REEP6: variants seen among roughly 807,000 people sequenced by gnomAD.
The protein encoded by REEP6 is receptor expression-enhancing protein 6.
REEP6 carries 19 observed loss-of-function variants against 22.4 expected under a neutral mutation model. That is an observed-to-expected ratio of 0.85 (90% CI 0.59 to 1.25). The LOEUF (loss-of-function observed/expected upper bound fraction) is 1.25, where lower values mean the gene tolerates loss of function less well. REEP6 is among the 50% of genes most tolerant of loss of function. The pLI is 0.00. For missense variants in REEP6, 273 were observed against 251.9 expected, an observed-to-expected ratio of 1.08 and a Z score of -0.57; for synonymous variants, 121 against 113.6, an observed-to-expected ratio of 1.06 and a Z score of -0.41.
intron 1 of REEP6, among the ~76,000 whole-genome samples, chr19:1,492,019 G>T (rs946737025): frequency 6.6e-6 from 1 of 152,214 alleles, no homozygotes; most frequent in African/African-American, 2.4e-5. Context: ...CAGTTCTTCC[G>T]TGACTTTCAC....
chr19:1,492,019 G>C (rs946737025), intron 1 of REEP6, among the ~76,000 whole-genome samples: 1 of 152,214 alleles, frequency 6.6e-6, no homozygotes, highest in South Asian at 2.1e-4. Context: ...CAGTTCTTCC[G>C]TGACTTTCAC....
At chr19:1,493,246 G>C (rs762123432) in intron 1 of REEP6, among the ~76,000 whole-genome samples, 1 of 152,120 alleles carries the variant, frequency 6.6e-6, no homozygotes, top group African/African-American at 2.4e-5. Flanking sequence ...AGCCAGGCCC[G>C]GGGAGAGATG....
chr19:1,497,144 G>GGGCC lies in REEP6; in HGVS notation c.518-30_518-29insGGCC. Reference sequence around the variant, plus strand: ...CCGGGGAGCCCAGGCCTGCCTCACGGCCCTCCCCCACCCGCCCCTCTCTCT... The same window carrying GGGCC: ...CCGGGGAGCCCAGGCCTGCCTCACGGGGCCCCCTCCCCCACCCGCCCCTCTCTCT... On this transcript the variant is annotated intron_variant, in intron 4 of 4. Coordinates refer to ENST00000233596, the MANE Select transcript of REEP6 (RefSeq NM_138393.4). This position sits in a 1 kb window ranked among gnomAD's most constrained non-coding sequence, Gnocchi z 6.5. The GGGCC allele has an allele frequency of 7.5e-6, 10 of 1,328,110 alleles. No individual in the cohort carries two copies. Among genetic ancestry groups the GGGCC allele is most frequent in the Non-Finnish European group, 1.0e-5 (10 of 992,322 alleles). The allele number at this position is 1,328,110 out of a possible 1,614,324, so 82.3% of individuals were successfully genotyped here.
chr19:1,495,948 C>T, intron 3 of REEP6: 1 of 538,674 alleles, frequency 1.9e-6, no homozygotes, highest in South Asian at 2.3e-5. Flanking sequence ...GGAGGGCTCA[C>T]TTAAAGGGTG....
chr19:1,496,775 G>A, intron 4 of REEP6: 2 of 609,512 alleles, frequency 3.3e-6, no homozygotes, highest in Non-Finnish European at 6.1e-6. Flanking sequence ...GTATTATTGT[G>A]TGTGCATGTT....
At position 1,491,259 on chromosome 19, in the gene REEP6, G is replaced by T. The variant is rs979774423; in HGVS notation, c.-11G>T. On this transcript the variant is annotated 5_prime_UTR_variant, in exon 1 of 5. Transcript: ENST00000233596. The surrounding 1 kb of genome is among the most constrained non-coding windows in gnomAD (Gnocchi z 5.4). ...CGAGCTCGAGCAGCCAACCCCGGGCGCGTCGGGGCCATGGACGGCCTGAGG... is the reference window on the plus strand; with the variant it reads ...CGAGCTCGAGCAGCCAACCCCGGGCTCGTCGGGGCCATGGACGGCCTGAGG... 9.6e-6 allele frequency: 14 copies of T among 1,459,710 alleles called. No individual in the cohort carries two copies. The highest frequency in any genetic ancestry group is 3.0e-5 in the African/African-American group (2 of 67,504). The allele number at this position is 1,459,710 out of a possible 1,614,324, so 90.4% of individuals were successfully genotyped here. A position where few individuals can be genotyped will look rare whatever the true frequency, so the allele number is the denominator to read the frequency against.
Position 1,495,309 on chromosome 19 carries a change from T to G in REEP6, c.131T>G (p.Leu44Arg). Reference protein sequence around the residue: ...RYLAAGAVTLLSLYLLFGYGA... With the variant: ...RYLAAGAVTLRSLYLLFGYGA... ...TCTCCGGCAGGAGCCGTCACTCTGC[T>G]AAGCCTGTATCTGCTGTTCGGCTAC... The change falls in exon 2 of 5, where the codon CTA becomes CGA. Residue 44 changes from leucine (L) to arginine (R), a missense_variant. Leu to Arg is a moderately radical substitution (Grantham distance 102). Transcript: ENST00000233596. 6.2e-7 allele frequency: 1 copy of G among 1,613,090 alleles called. No homozygotes were observed. The highest frequency in any genetic ancestry group is 8.5e-7 in the Non-Finnish European group (1 of 1,179,996).
chr19:1,491,294 G>A lies in REEP6; in HGVS notation c.25G>A (p.Glu9Lys), dbSNP rs1374703635. Residue 9 changes from glutamate to lysine, a missense_variant, in exon 1 of 5, where the codon GAG (glutamate) becomes AAG (lysine). Physicochemically the swap from Glu to Lys is moderately conservative, Grantham distance 56. Transcript: ENST00000233596. This position sits in a 1 kb window ranked among gnomAD's most constrained non-coding sequence, Gnocchi z 5.4. ...CATGGACGGCCTGAGGCAGCGCGTG[G>A]AGCACTTCCTGGAGCAAAGGAACCT... The part of the protein sequence containing the change: MDGLRQRV[E>K]HFLEQRNLVT... The A allele has an allele frequency of 1.4e-6, 2 of 1,472,862 alleles. No homozygotes were observed. The highest frequency in any genetic ancestry group is 9.0e-7 in the Non-Finnish European group (1 of 1,112,938). The allele number at this position is 1,472,862 out of a possible 1,614,324, so 91.2% of individuals were successfully genotyped here.
intron 1 of REEP6, among the ~76,000 whole-genome samples, chr19:1,493,201 G>C (rs1267870953): frequency 1.3e-5 from 2 of 152,254 alleles, no homozygotes; most frequent in Middle Eastern, 3.4e-3. Context: ...GGGATTTAGG[G>C]GAGGGACGCC....
chr19:1,495,287 C>G lies in REEP6; in HGVS notation c.116-7C>G, dbSNP rs2084996000. On this transcript the variant is annotated splice_region_variant and splice_polypyrimidine_tract_variant and intron_variant, in intron 1 of 4. Coordinates refer to ENST00000233596, the MANE Select transcript of REEP6 (RefSeq NM_138393.4). ...AGCCCTGGCACACCACCGCCTCTCT[C>G]CGGCAGGAGCCGTCACTCTGCTAAG... 1 of 1,611,386 alleles carries G rather than the reference C, an allele frequency of 6.2e-7. No homozygotes were observed. Among genetic ancestry groups the G allele is most frequent in the East Asian group, 2.2e-5 (1 of 44,880 alleles).
intron 4 of REEP6, chr19:1,496,790 CAT>C (rs1698999158): frequency 5.0e-6 from 3 of 599,268 alleles, no homozygotes; most frequent in East Asian, 3.0e-5. Flanking sequence ...CATGTTTTGT[CAT>C]GTGCAAGAGG....
In REEP6 at chr19:1,494,499, C is replaced by T. The variant is rs568869720; in HGVS notation, c.116-795C>T. 8.5e-5 allele frequency among the ~76,000 whole-genome samples: 13 copies of T among 152,280 alleles called. No individual in the cohort carries two copies. The East Asian group carries it at 2.5e-3, about 29-fold the overall frequency. On this transcript the variant is annotated intron_variant, in intron 1 of 4. Coordinates refer to ENST00000233596, the MANE Select transcript of REEP6 (RefSeq NM_138393.4). ...CAACCAAGAATGACCCGGCCCTGAA[C>T]ATCAGCAGTGCCAAGGCAGAGAAAC...
chr19:1,493,708 GACACACACACACAC>G (rs55971424), intron 1 of REEP6, among the ~76,000 whole-genome samples: 5 of 140,762 alleles, frequency 3.6e-5, no homozygotes, highest in African/African-American at 1.3e-4. Context: ...GGCTGAGCTG[GACACACACACACAC>G]ACACACACAC....
chr19:1,495,197 A>T, intron 1 of REEP6, 97 bp from the exon 2 acceptor site: 1 of 1,146,646 alleles, frequency 8.7e-7, no homozygotes, highest in Non-Finnish European at 1.3e-6. Flanking sequence ...GGAGGAGGTG[A>T]CGGTTGCAGT....
chr19:1,491,293 G>C lies in REEP6; in HGVS notation c.24G>C (p.Val8=). The change falls in exon 1 of 5, where the codon GTG becomes GTC. Residue 8 remains valine (V), a synonymous_variant. Coordinates refer to ENST00000233596, the MANE Select transcript of REEP6 (RefSeq NM_138393.4). The surrounding 1 kb of genome is among the most constrained non-coding windows in gnomAD (Gnocchi z 5.4). Reference sequence around the variant, plus strand: ...CCATGGACGGCCTGAGGCAGCGCGTGGAGCACTTCCTGGAGCAAAGGAACC... The same window carrying C: ...CCATGGACGGCCTGAGGCAGCGCGTCGAGCACTTCCTGGAGCAAAGGAACC... MDGLRQR[V]EHFLEQRNLV... The C allele has an allele frequency of 2.7e-6, 4 of 1,472,076 alleles. No homozygotes were observed. The highest frequency in any genetic ancestry group is 3.6e-6 in the Non-Finnish European group (4 of 1,112,464). The allele number at this position is 1,472,076 out of a possible 1,614,324, so 91.2% of individuals were successfully genotyped here.
At chr19:1,492,736 T>TCCCC (rs57269910) in intron 1 of REEP6, among the ~76,000 whole-genome samples, 18 of 151,768 alleles carry the variant, frequency 1.2e-4, no homozygotes, top group African/African-American at 2.4e-4. Flanking sequence ...GGAGTCCAGT[T>TCCCC]CCCCCCCAAT....
intron 1 of REEP6, among the ~76,000 whole-genome samples, chr19:1,492,889 G>A (rs2084978256): frequency 6.6e-6 from 1 of 152,162 alleles, no homozygotes; most frequent in Non-Finnish European, 1.5e-5. Flanking sequence ...GCCTGCCCCC[G>A]GGAGCAGGTC....
chr19:1,491,468 G>T lies in REEP6; in HGVS notation c.115+84G>T. Reference sequence around the variant, plus strand: ...GGTCGCAGACCGGACTCCTTCCCCGGCTACGGGGTCCGGTCCGGCCGGTGG... The same window carrying T: ...GGTCGCAGACCGGACTCCTTCCCCGTCTACGGGGTCCGGTCCGGCCGGTGG... On this transcript the variant is annotated intron_variant, in intron 1 of 4. Transcript: ENST00000233596. This position sits in a 1 kb window ranked among gnomAD's most constrained non-coding sequence, Gnocchi z 5.4. 2.0e-6 allele frequency: 2 copies of T among 990,388 alleles called. No individual in the cohort carries two copies. Among genetic ancestry groups the T allele is most frequent in the Non-Finnish European group, 1.4e-6 (1 of 730,408 alleles). The allele number at this position is 990,388 out of a possible 1,614,324, so 61.4% of individuals were successfully genotyped here. A position where few individuals can be genotyped will look rare whatever the true frequency, so the allele number is the denominator to read the frequency against.
intron 1 of REEP6, among the ~76,000 whole-genome samples, chr19:1,494,995 A>G (rs1213174477): frequency 2.0e-5 from 3 of 152,020 alleles, no homozygotes; most frequent in Non-Finnish European, 4.4e-5. Context: ...CAAACACTTC[A>G]CTGGGCAGCT....
Sources: allele counts gnomAD v4.1 joint callset (sites outside exome capture counted in the v4.1 genomes callset), GRCh38; gene constraint gnomAD v4.1.1; non-coding constraint Gnocchi (gnomAD v3.1); transcripts MANE v1.5; gene names NCBI Gene and HGNC (gene_info 2026-07-23, HGNC 2026-07-21).